Variants in PLEKHA5 observed in about 807,000 individuals in gnomAD.
PLEKHA5 encodes the protein pleckstrin homology domain containing A5, also known as pleckstrin homology domain-containing family A member 5.
PLEKHA5 carries 55 observed loss-of-function variants against 181.9 expected under a neutral mutation model. That is an observed-to-expected ratio of 0.30 (90% confidence interval 0.24 to 0.38). The LOEUF (loss-of-function observed/expected upper bound fraction) is 0.38, where lower values mean the gene tolerates loss of function less well. Ranked by LOEUF, PLEKHA5 falls within the 10% of genes least tolerant of loss-of-function variation. The pLI, the probability that PLEKHA5 is intolerant of heterozygous loss-of-function variation, is 1.00. For synonymous variants in PLEKHA5, 535 were observed against 529.4 expected, an observed-to-expected ratio of 1.01 and a Z score of -0.15; for missense variants, 1,432 against 1,549.5, an observed-to-expected ratio of 0.92 and a Z score of 1.27.
intron 3 of PLEKHA5, among the ~76,000 whole-genome samples, chr12:19,220,370 C>T (rs1021075406): frequency 6.6e-6 from 1 of 151,998 alleles, no homozygotes. Context: ...AGTTAACTGA[C>T]GTCATCTAGC....
chr12:19,252,925 A>G (rs769969543), intron 3 of PLEKHA5, among the ~76,000 whole-genome samples: 26 of 151,938 alleles, frequency 1.7e-4, no homozygotes, highest in Non-Finnish European at 2.6e-4. Flanking sequence ...TCTGTAATGC[A>G]CCCATGTTGG....
chr12:19,152,588 TA>T (rs2040689107), intron 3 of PLEKHA5: 1 of 152,236 alleles, frequency 6.6e-6, no homozygotes, highest in Non-Finnish European at 1.5e-5. Context: ...GGTCCAATGA[TA>T]TTTTTTATAT....
At chr12:19,330,221 C>A (rs914783592) in intron 20 of PLEKHA5, among the ~76,000 whole-genome samples, 4 of 152,006 alleles carry the variant, frequency 2.6e-5, no homozygotes, top group Non-Finnish European at 5.9e-5. Flanking sequence ...AGTTTTGTTT[C>A]ATTGAAAACA....
At chr12:19,143,775 A>G (rs757557447) in intron 3 of PLEKHA5, among the ~76,000 whole-genome samples, 53 of 152,138 alleles carry the variant, frequency 3.5e-4, no homozygotes, top group Non-Finnish European at 6.8e-4. Flanking sequence ...CATTAGCTGT[A>G]TTAGTATCCT....
chr12:19,231,606 A>ATT (rs1268323740), intron 3 of PLEKHA5, among the ~76,000 whole-genome samples: 1 of 145,336 alleles, frequency 6.9e-6, no homozygotes, highest in Non-Finnish European at 1.5e-5. Flanking sequence ...ACACATATAT[A>ATT]TATATAAATA....
At chr12:19,215,751 A>G (rs1009762913) in intron 3 of PLEKHA5, among the ~76,000 whole-genome samples, 8 of 152,346 alleles carry the variant, frequency 5.3e-5, no homozygotes, top group South Asian at 2.1e-4. Context: ...ATAATTGCCA[A>G]CATGGTAAAT....
At chr12:19,302,770 G>A (rs1230587040) in intron 15 of PLEKHA5, among the ~76,000 whole-genome samples, 2 of 151,856 alleles carry the variant, frequency 1.3e-5, no homozygotes, top group Admixed American at 6.6e-5. Context: ...TAAATTTGTA[G>A]TTACATATAT....
intron 15 of PLEKHA5, among the ~76,000 whole-genome samples, chr12:19,304,140 G>A (rs2082424789): frequency 6.6e-6 from 1 of 151,852 alleles, no homozygotes; most frequent in Non-Finnish European, 1.5e-5. Flanking sequence ...AAGAGTAACT[G>A]GCCAGGCACG....
At chr12:19,201,033 G>A (rs1460108287) in intron 3 of PLEKHA5, 1 of 152,086 alleles carries the variant, frequency 6.6e-6, no homozygotes, top group Non-Finnish European at 1.5e-5. Context: ...TGCTTTATCT[G>A]TGTAGGATAC....
At chr12:19,230,289 G>T (rs189488819) in intron 3 of PLEKHA5, among the ~76,000 whole-genome samples, 27 of 152,346 alleles carry the variant, frequency 1.8e-4, no homozygotes, top group African/African-American at 6.5e-4. Flanking sequence ...CAGGAGCCCA[G>T]CTGGCTTCAC....
chr12:19,361,767 G>A lies in PLEKHA5; in HGVS notation c.3608+61G>A, dbSNP rs7298057. 3,009 of 1,403,642 alleles carry A rather than the reference G, an allele frequency of 2.1e-3. 55 individuals are homozygous for A. In the African/African-American group the frequency reaches 0.038, roughly 18 times the overall value. 86.9% of individuals were successfully genotyped at this position (1,403,642 alleles called of 1,614,324 possible). A position where few individuals can be genotyped will look rare whatever the true frequency, so the allele number is the denominator to read the frequency against. ...AACTGTGTAACTGCTTAAAAATGGT[G>A]AACTTCAGAGTCAAAAGTACTGGAT... is the stretch of plus-strand genomic sequence containing the variant. On this transcript the variant is annotated intron_variant, in intron 29 of 31. Transcript: ENST00000429027.
At chr12:19,296,747 C>T (rs1310298731) in intron 15 of PLEKHA5, among the ~76,000 whole-genome samples, 2 of 151,856 alleles carry the variant, frequency 1.3e-5, no homozygotes, top group African/African-American at 2.4e-5. Flanking sequence ...TGAAATTAGG[C>T]GTTTAGAAAC....
At chr12:19,269,651 GTC>G in intron 8 of PLEKHA5, 117 bp from the exon 9 acceptor site, 2 of 547,956 alleles carry the variant, frequency 3.6e-6, no homozygotes, top group Admixed American at 6.6e-5. Context: ...TAAAAGATAA[GTC>G]TACTTTCTCT....
intron 26 of PLEKHA5, among the ~76,000 whole-genome samples, chr12:19,355,344 CTTTTTTT>C (rs756942658): frequency 6.4e-5 from 6 of 94,020 alleles, no homozygotes; most frequent in Admixed American, 3.5e-4. Flanking sequence ...TATGGCTAGT[CTTTTTTT>C]TTTTTTTTTT....
intron 3 of PLEKHA5, among the ~76,000 whole-genome samples, chr12:19,208,023 A>T (rs866601205): frequency 6.6e-6 from 1 of 152,188 alleles, no homozygotes; most frequent in Non-Finnish European, 1.5e-5. Context: ...GATAATTCTC[A>T]CAAGTTTCGA....
intron 20 of PLEKHA5, among the ~76,000 whole-genome samples, chr12:19,328,378 A>G (rs2092466153): frequency 6.6e-6 from 1 of 152,210 alleles, no homozygotes; most frequent in South Asian, 2.1e-4. Flanking sequence ...TTTGATAGAA[A>G]TGACATTGAA....
At chr12:19,224,025 T>C (rs1229207490) in intron 3 of PLEKHA5, among the ~76,000 whole-genome samples, 5 of 152,210 alleles carry the variant, frequency 3.3e-5, no homozygotes, top group African/African-American at 7.2e-5. Flanking sequence ...GTGATACTTG[T>C]AGTGCCTGTG....
At chr12:19,221,425 C>T (rs949777739) in intron 3 of PLEKHA5, among the ~76,000 whole-genome samples, 4 of 152,076 alleles carry the variant, frequency 2.6e-5, no homozygotes, top group African/African-American at 9.7e-5. Flanking sequence ...TTCCCATACA[C>T]GTTCTGGAAA....
At chr12:19,356,760 A>G (rs1044959230) in intron 26 of PLEKHA5, among the ~76,000 whole-genome samples, 12 of 146,344 alleles carry the variant, frequency 8.2e-5, no homozygotes, top group African/African-American at 3.0e-4. Flanking sequence ...TCCCGGGTTC[A>G]AATGATTCTC....
Sources: gnomAD v4.1 joint callset for allele counts (sites outside exome capture counted in the v4.1 genomes callset) on GRCh38, gnomAD v4.1.1 for gene constraint, MANE v1.5 for transcripts, NCBI Gene and HGNC (gene_info 2026-07-23, HGNC 2026-07-21) for gene names.